ENTREP2: variants seen among roughly 807,000 people sequenced by gnomAD.
ENTREP2 encodes the protein endosomal transmembrane epsin interactor 2, also known as protein ENTREP2.
chr15:29,278,040 C>T, the ENTREP2 span, among the ~76,000 whole-genome samples: 1 of 152,198 alleles, frequency 6.6e-6, no homozygotes, highest in Non-Finnish European at 1.5e-5. Context: ...AGGGAGATAA[C>T]AACCATAAAG....
At chr15:29,555,223 T>C in the ENTREP2 span, among the ~76,000 whole-genome samples, 1 of 152,256 alleles carries the variant, frequency 6.6e-6, no homozygotes, top group Admixed American at 6.5e-5. Context: ...GAGAGAGATT[T>C]GGGTTTTTCA....
chr15:29,564,320 C>T, the ENTREP2 span, among the ~76,000 whole-genome samples: 4 of 152,204 alleles, frequency 2.6e-5, no homozygotes, highest in Admixed American at 1.3e-4. Context: ...GCTATATGCT[C>T]TCAGCTTTTG....
chr15:29,541,360 A>G, the ENTREP2 span, among the ~76,000 whole-genome samples: 1 of 152,178 alleles, frequency 6.6e-6, no homozygotes, highest in Non-Finnish European at 1.5e-5. Context: ...CACAGCTACC[A>G]AGGCCTCAGC....
chr15:29,512,512 T>C, the ENTREP2 span, among the ~76,000 whole-genome samples: 1 of 152,122 alleles, frequency 6.6e-6, no homozygotes, highest in Non-Finnish European at 1.5e-5. Flanking sequence ...CCCAATGGGA[T>C]GGTATTAGGA....
the ENTREP2 span, among the ~76,000 whole-genome samples, chr15:29,346,829 T>C: frequency 9.4e-4 from 143 of 152,298 alleles, no homozygotes; most frequent in Non-Finnish European, 8.8e-4. Flanking sequence ...TTTTCAAGAT[T>C]TTTGGCCACA....
At chr15:29,608,075 C>T in the ENTREP2 span, among the ~76,000 whole-genome samples, 3 of 152,050 alleles carry the variant, frequency 2.0e-5, no homozygotes, top group Non-Finnish European at 4.4e-5. Flanking sequence ...CGTTTTTCTG[C>T]CTGCTTTATA....
At chr15:29,471,579 A>G in the ENTREP2 span, among the ~76,000 whole-genome samples, 1 of 152,184 alleles carries the variant, frequency 6.6e-6, no homozygotes, top group Non-Finnish European at 1.5e-5. Context: ...GCAAAGCTCC[A>G]AGCAAATGCT....
chr15:29,387,496 C>T, the ENTREP2 span, among the ~76,000 whole-genome samples: 1 of 152,190 alleles, frequency 6.6e-6, no homozygotes, highest in African/African-American at 2.4e-5. Context: ...AAGAACATTC[C>T]ATGCTCATGG....
At chr15:29,242,683 C>T in the ENTREP2 span, among the ~76,000 whole-genome samples, 4 of 152,148 alleles carry the variant, frequency 2.6e-5, no homozygotes, top group Non-Finnish European at 4.4e-5. Flanking sequence ...TGGGACAAGG[C>T]GCAGCACAGA....
At chr15:29,251,594 C>T in the ENTREP2 span, among the ~76,000 whole-genome samples, 2 of 151,978 alleles carry the variant, frequency 1.3e-5, no homozygotes, top group South Asian at 4.2e-4. Context: ...TATATGTGGC[C>T]CAAGACAATT....
the ENTREP2 span, among the ~76,000 whole-genome samples, chr15:29,615,560 A>G: frequency 6.6e-6 from 1 of 151,910 alleles, no homozygotes; most frequent in Non-Finnish European, 1.5e-5. Flanking sequence ...CTCCATTCCC[A>G]ATTTGTCTTA....
chr15:29,197,727 T>C, the ENTREP2 span, among the ~76,000 whole-genome samples: 2 of 151,188 alleles, frequency 1.3e-5, no homozygotes, highest in African/African-American at 4.9e-5. Flanking sequence ...GATCATGCCA[T>C]TGCACTCCAG....
At chr15:29,429,190 TATCCATCCATCCATCCATCC>T in the ENTREP2 span, among the ~76,000 whole-genome samples, 6 of 149,160 alleles carry the variant, frequency 4.0e-5, no homozygotes, top group African/African-American at 7.4e-5. Context: ...GATGTCTATC[TATCCATCCATCCATCCATCC>T]ATCCATCCAT....
chr15:29,480,338 C>CAAAAAAA, the ENTREP2 span, among the ~76,000 whole-genome samples: 13 of 29,426 alleles, frequency 4.4e-4, no homozygotes, highest in East Asian at 7.2e-3. Context: ...TTCACTATAG[C>CAAAAAAA]AAAAAAAAAA....
At chr15:29,652,427 G>A in the ENTREP2 span, among the ~76,000 whole-genome samples, 3 of 152,222 alleles carry the variant, frequency 2.0e-5, no homozygotes, top group African/African-American at 7.2e-5. Context: ...TGCAGGGTAA[G>A]AACTCAAGGT....
chr15:29,345,573 C>T, the ENTREP2 span, among the ~76,000 whole-genome samples: 1 of 152,128 alleles, frequency 6.6e-6, no homozygotes, highest in African/African-American at 2.4e-5. Flanking sequence ...GGGAACAAGG[C>T]CCCGCATGCC....
chr15:29,164,912 T>C, the ENTREP2 span, among the ~76,000 whole-genome samples: 2 of 152,150 alleles, frequency 1.3e-5, no homozygotes. Context: ...TTCTCCAAGA[T>C]AGACTATATG....
At chr15:29,259,804 C>T in the ENTREP2 span, among the ~76,000 whole-genome samples, 6 of 146,380 alleles carry the variant, frequency 4.1e-5, no homozygotes, top group South Asian at 1.2e-3. Context: ...TGGTGAAATC[C>T]CATTTACATA....
chr15:29,319,155 GAC>G, the ENTREP2 span, among the ~76,000 whole-genome samples: 1 of 152,200 alleles, frequency 6.6e-6, no homozygotes, highest in Non-Finnish European at 1.5e-5. Flanking sequence ...GGGTACTGAA[GAC>G]ACGAGAAATA....
Sources: allele counts gnomAD v4.1 joint callset (sites outside exome capture counted in the v4.1 genomes callset), GRCh38; gene constraint gnomAD v4.1.1; transcripts MANE v1.5; gene names NCBI Gene and HGNC (gene_info 2026-07-23, HGNC 2026-07-21).